Variants in MAP1S observed in about 807,000 individuals in gnomAD.
The protein encoded by MAP1S is microtubule-associated protein 1S.
In MAP1S, 27 loss-of-function variants were observed where a neutral mutation model predicts 60.9. That is an observed-to-expected ratio of 0.44 (90% CI 0.33 to 0.61). The LOEUF is 0.61. MAP1S is among the 20% of genes least tolerant of loss of function. The probability of loss-of-function intolerance (pLI) is 0.03; values close to 1 mark genes in which losing one functional copy is unlikely to be tolerated. For synonymous variants in MAP1S, 826 were observed against 694.2 expected (o/e 1.19, Z -2.98); for missense variants, 1,608 against 1,486.6 (o/e 1.08, Z -1.34).
Position 17,728,016 on chromosome 19 carries a change from G to C in MAP1S, c.2632G>C (p.Ala878Pro). Residue 878 changes from alanine to proline, a missense_variant, in exon 5 of 7, where the codon GCC becomes CCC. Transcript: ENST00000324096. ...RPNSRAAAPK[A>P]TPVAAAKTKG... Reference sequence around the variant, plus strand: ...CAACTCACGCGCTGCCGCCCCCAAAGCCACTCCAGTGGCTGCTGCCAAAAC... The same window carrying C: ...CAACTCACGCGCTGCCGCCCCCAAACCCACTCCAGTGGCTGCTGCCAAAAC... 6.2e-7 allele frequency: 1 copy of C among 1,612,044 alleles called. No individual in the cohort carries two copies.
chr19:17,727,478 G>C lies in MAP1S; in HGVS notation c.2094G>C (p.Leu698=), dbSNP rs766355304. The C allele has an allele frequency of 3.7e-6, 6 of 1,609,940 alleles. No individual in the cohort carries two copies. The South Asian group carries it at 6.6e-5, about 18-fold the overall frequency. The change falls in exon 5 of 7, where the codon CTG becomes CTC. Residue 698 remains leucine (L), a synonymous_variant. Coordinates refer to ENST00000324096, the MANE Select transcript of MAP1S (RefSeq NM_018174.6). The surrounding 1 kb of genome is among the most constrained non-coding windows in gnomAD (Gnocchi z 4.1). The part of the protein sequence containing the change: ...SPHSTEVDES[L]SVSFEQVLPP... ...ACTCGACCGAGGTGGACGAGTCCCT[G>C]TCGGTGTCCTTTGAGCAGGTGCTGC...
Position 17,727,371 on chromosome 19 carries a change from G to GAGGCCGGGC in MAP1S, c.1988_1996dup (p.Gly665_Pro666insGlnAlaGly). On this transcript the variant is annotated inframe_insertion, in exon 5 of 7. Coordinates refer to ENST00000324096, the MANE Select transcript of MAP1S (RefSeq NM_018174.6). This position sits in a 1 kb window ranked among gnomAD's most constrained non-coding sequence, Gnocchi z 4.1. ...GTCGCTGAGCCCACTGCGGGGCGGG[G>GAGGCCGGGC]AGGCCGGGCCAGACGCCTCACCCAC... 6.3e-7 allele frequency: 1 copy of GAGGCCGGGC among 1,589,976 alleles called. No homozygotes were observed. Among genetic ancestry groups the GAGGCCGGGC allele is most frequent in the Non-Finnish European group, 8.5e-7 (1 of 1,170,434 alleles).
intron 2 of MAP1S, among the ~76,000 whole-genome samples, chr19:17,723,856 CAAA>C (rs1023532856): frequency 6.6e-6 from 1 of 151,672 alleles, no homozygotes; most frequent in Non-Finnish European, 1.5e-5. Context: ...CTCCGTCTCA[CAAA>C]AAAAAGAAGA....
rs780118701 is a variant in MAP1S, at chr19:17,728,007, G to A, written c.2623G>A (p.Ala875Thr). ...PLARPNSRAA[A>T]PKATPVAAAK... ...GGCCCGCCCCAACTCACGCGCTGCC[G>A]CCCCCAAAGCCACTCCAGTGGCTGC... The change falls in exon 5 of 7, where the codon GCC becomes ACC. Residue 875 changes from alanine to threonine, a missense_variant. Physicochemically the swap from Ala to Thr is moderately conservative, Grantham distance 58 (BLOSUM62 0). Transcript: ENST00000324096. The A allele has an allele frequency of 2.6e-5, 42 of 1,611,126 alleles. No individual in the cohort carries two copies. Among genetic ancestry groups the A allele is most frequent in the Non-Finnish European group, 3.5e-5 (41 of 1,179,134 alleles).
Position 17,727,490 on chromosome 19 carries a change from T to G in MAP1S, c.2106T>G (p.Phe702Leu), listed in dbSNP as rs1359542378. Residue 702 changes from phenylalanine to leucine, a missense_variant, in exon 5 of 7, where the codon TTT (phenylalanine) becomes TTG (leucine). Transcript: ENST00000324096. This position sits in a 1 kb window ranked among gnomAD's most constrained non-coding sequence, Gnocchi z 4.1. ...TEVDESLSVS[F>L]EQVLPPSAPT... ...TGGACGAGTCCCTGTCGGTGTCCTT[T>G]GAGCAGGTGCTGCCGCCATCCGCCC... 6.2e-7 allele frequency: 1 copy of G among 1,610,916 alleles called. No homozygotes were observed. Among genetic ancestry groups the G allele is most frequent in the East Asian group, 2.2e-5 (1 of 44,786 alleles).
intron 2 of MAP1S, among the ~76,000 whole-genome samples, chr19:17,723,187 C>T (rs903602217): frequency 2.6e-5 from 4 of 152,194 alleles, no homozygotes; most frequent in Admixed American, 1.3e-4. Flanking sequence ...ACCTTTGCTC[C>T]GGATGTACCC....
At chr19:17,720,128 G>A in intron 1 of MAP1S, 4 of 1,286,732 alleles carry the variant, frequency 3.1e-6, no homozygotes, top group Non-Finnish European at 3.9e-6. Flanking sequence ...GGTGCGGCCT[G>A]CCCTGGGGAT....
Position 17,726,923 on chromosome 19 carries a change from C to T in MAP1S, c.1539C>T (p.Arg513=), listed in dbSNP as rs1425530841. Reference sequence around the variant, plus strand: ...AGCCAGCACGGGCTGAGGCCCCACGCAAGACTGAGAAAGAAGCCAAGACCC... The same window carrying T: ...AGCCAGCACGGGCTGAGGCCCCACGTAAGACTGAGAAAGAAGCCAAGACCC... The part of the protein sequence containing the change: ...RKEPARAEAP[R]KTEKEAKTPR... Residue 513 remains arginine (R), a synonymous_variant, in exon 5 of 7, where the codon CGC becomes CGT. Transcript: ENST00000324096. 6.4e-7 allele frequency: 1 copy of T among 1,567,224 alleles called. No individual in the cohort carries two copies. The highest frequency in any genetic ancestry group is 8.6e-7 in the Non-Finnish European group (1 of 1,156,742).
intron 2 of MAP1S, among the ~76,000 whole-genome samples, chr19:17,722,854 GAA>G (rs1441117524): frequency 6.6e-6 from 1 of 152,000 alleles, no homozygotes; most frequent in East Asian, 1.9e-4. Context: ...GAGAGAGAGA[GAA>G]AGGGAAAAGA....
chr19:17,720,270 T>C, intron 1 of MAP1S: 13 of 1,416,090 alleles, frequency 9.2e-6, no homozygotes, highest in Non-Finnish European at 1.2e-5. Flanking sequence ...TCGGAGCATC[T>C]GGACCTGGCG....
rs202073553 is a variant in MAP1S, at chr19:17,725,019, G to A, written c.304-30G>A. The A allele has an allele frequency of 1.2e-6, 2 of 1,613,992 alleles. No individual in the cohort carries two copies. The highest frequency in any genetic ancestry group is 1.1e-5 in the South Asian group (1 of 91,070). On this transcript the variant is annotated intron_variant, in intron 3 of 6. Transcript: ENST00000324096. This position sits in a 1 kb window ranked among gnomAD's most constrained non-coding sequence, Gnocchi z 4.2. ...TGCTGGATACGTCACTGCACAGAAC[G>A]GGTCCTTTAGTGTTCACCCCCTCCC...
chr19:17,733,093 G>A (rs1340182908), intron 5 of MAP1S, 100 bp from the exon 6 acceptor site: 2 of 730,928 alleles, frequency 2.7e-6, no homozygotes, highest in East Asian at 2.8e-5. Context: ...GCCTCCTGCT[G>A]AGGAGGGAGC....
Position 17,726,662 on chromosome 19 carries a change from G to T in MAP1S, c.1278G>T (p.Lys426Asn). Residue 426 changes from lysine (K) to asparagine (N), a missense_variant, in exon 5 of 7, where the codon AAG (lysine) becomes AAT (asparagine). Physicochemically the swap from Lys to Asn is moderately conservative, Grantham distance 94 (BLOSUM62 0). Around this residue, in one of 4 missense-constraint regions of MAP1S, gnomAD observed 1,167 missense variants for 961.4 expected, o/e 1.21. Transcript: ENST00000324096. ...LVWHPAGPGE[K>N]VVRVLFPGCT... Reference sequence around the variant, plus strand: ...GGCACCCCGCCGGCCCCGGCGAGAAGGTGGTGCGCGTGCTGTTCCCCGGTT... The same window carrying T: ...GGCACCCCGCCGGCCCCGGCGAGAATGTGGTGCGCGTGCTGTTCCCCGGTT... The T allele has an allele frequency of 6.3e-7, 1 of 1,582,218 alleles. No homozygotes were observed. The highest frequency in any genetic ancestry group is 1.1e-5 in the South Asian group (1 of 87,760).
intron 1 of MAP1S, 130 bp from the exon 2 acceptor site, chr19:17,720,806 C>T: frequency 1.3e-6 from 1 of 758,192 alleles, no homozygotes; most frequent in Non-Finnish European, 2.3e-6. Flanking sequence ...TTGGGTACTT[C>T]TGAGTCTCCA....
At chr19:17,724,515 C>T (rs539301428) in intron 3 of MAP1S, among the ~76,000 whole-genome samples, 57 of 152,244 alleles carry the variant, frequency 3.7e-4, no homozygotes, top group African/African-American at 1.3e-3. Flanking sequence ...TGTGGGTTCC[C>T]TCCGGCTAGG....
At position 17,733,552 on chromosome 19, in the gene MAP1S, G is replaced by T. The variant is rs1181702050; in HGVS notation, c.3024+124G>T. 4.0e-6 allele frequency: 3 copies of T among 747,122 alleles called. No homozygotes were observed. In the Admixed American group the frequency reaches 9.3e-5, roughly 23 times the overall value. 46.3% of individuals were successfully genotyped at this position (747,122 alleles called of 1,614,324 possible). On this transcript the variant is annotated intron_variant, in intron 6 of 6. Coordinates refer to ENST00000324096, the MANE Select transcript of MAP1S (RefSeq NM_018174.6). ...CACGGGAATGGGGGCGAATGTGGGAGTCTCACATGGCTCAGCCCTTAGGGG... is the reference window on the plus strand; with the variant it reads ...CACGGGAATGGGGGCGAATGTGGGATTCTCACATGGCTCAGCCCTTAGGGG...
At chr19:17,732,032 T>G (rs2080497640) in intron 5 of MAP1S, among the ~76,000 whole-genome samples, 1 of 152,260 alleles carries the variant, frequency 6.6e-6, no homozygotes, top group Admixed American at 6.5e-5. Flanking sequence ...GAATTAAATA[T>G]CTGTGCCTGG....
At chr19:17,724,783 A>G (rs983489345) in intron 3 of MAP1S, among the ~76,000 whole-genome samples, 1 of 152,108 alleles carries the variant, frequency 6.6e-6, no homozygotes, top group African/African-American at 2.4e-5. Flanking sequence ...GGTGGACTAG[A>G]GAGAGCCCAG....
rs1027828404 is a variant in MAP1S, at chr19:17,725,271, C to T, written c.444+82C>T. 9.4e-6 allele frequency: 14 copies of T among 1,490,558 alleles called. No individual in the cohort carries two copies. Among genetic ancestry groups the T allele is most frequent in the East Asian group, 2.3e-5 (1 of 43,888 alleles). The allele number at this position is 1,490,558 out of a possible 1,614,324, so 92.3% of individuals were successfully genotyped here. ...TATCAGGCTGTGTGGCACCAGCGAC[C>T]TGCTGTTTTCCATGGCCTGGTCTCC... is the stretch of plus-strand genomic sequence containing the variant. On this transcript the variant is annotated intron_variant, in intron 4 of 6. Transcript: ENST00000324096. The surrounding 1 kb of genome is among the most constrained non-coding windows in gnomAD (Gnocchi z 4.2).
Sources: gnomAD v4.1 joint callset for allele counts (sites outside exome capture counted in the v4.1 genomes callset) on GRCh38, gnomAD v4.1.1 for gene constraint, gnomAD v4.1.1 regional missense constraint, Gnocchi (gnomAD v3.1) non-coding constraint, MANE v1.5 for transcripts, NCBI Gene and HGNC (gene_info 2026-07-23, HGNC 2026-07-21) for gene names.